NFATC2: variants seen among roughly 807,000 people sequenced by gnomAD.
NFATC2 encodes nuclear factor of activated T-cells, cytoplasmic 2.
NFATC2 carries 22 observed loss-of-function variants against 87.3 expected under a neutral mutation model. That is an observed-to-expected ratio of 0.25 (90% confidence interval 0.18 to 0.36). NFATC2 has a LOEUF of 0.36. Among genes scored for constraint, NFATC2 ranks in the 10% least tolerant of loss-of-function variants. The pLI is 1.00. For missense variants in NFATC2, 1,149 were observed against 1,259.1 expected (o/e 0.91, Z 1.32); for synonymous variants, 565 against 542.2 (o/e 1.04, Z -0.58).
intron 1 of NFATC2, among the ~76,000 whole-genome samples, chr20:51,553,134 C>T (rs6096469): frequency 0.039 from 5,881 of 152,146 alleles, 362 homozygotes; most frequent in African/African-American, 0.14. Context: ...CCCGTATGGA[C>T]CAATCGGCTG....
chr20:51,472,242 G>A (rs974006287), intron 5 of NFATC2, among the ~76,000 whole-genome samples: 3 of 152,150 alleles, frequency 2.0e-5, no homozygotes, highest in Non-Finnish European at 4.4e-5. Flanking sequence ...ATCAGAGAGT[G>A]AGATTCCTTC....
rs575904269 is a variant in NFATC2 at position 51,432,911 on chromosome 20, G to A, written c.2033-155C>T. ...GTCACTTATCAGCCTTGGGCAAAAG[G>A]CTCCCCATGCAATTGTCTTAGGTAG... is the stretch of plus-strand genomic sequence containing the variant. On this transcript the variant is annotated intron_variant, in intron 8 of 10. Coordinates refer to ENST00000371564, the MANE Select transcript of NFATC2 (RefSeq NM_012340.5). This position sits in a 1 kb window ranked among gnomAD's most constrained non-coding sequence, Gnocchi z 4.6. 2.0e-5 allele frequency among the ~76,000 whole-genome samples: 3 copies of A among 152,164 alleles called. No homozygotes were observed. Among genetic ancestry groups the A allele is most frequent in the African/African-American group, 7.2e-5 (3 of 41,424 alleles).
intron 3 of NFATC2, among the ~76,000 whole-genome samples, chr20:51,495,150 T>A (rs2075967040): frequency 6.6e-6 from 1 of 152,154 alleles, no homozygotes; most frequent in Non-Finnish European, 1.5e-5. Context: ...AGTGGCACCA[T>A]CTCAGCTCAC....
At chr20:51,494,372 T>C (rs559296510) in intron 3 of NFATC2, among the ~76,000 whole-genome samples, 2 of 152,176 alleles carry the variant, frequency 1.3e-5, no homozygotes, top group African/African-American at 4.8e-5. Flanking sequence ...GCTCCTCCTA[T>C]TTCCTCTTTG....
At chr20:51,401,985 C>G (rs774735340) in intron 9 of NFATC2, among the ~76,000 whole-genome samples, 1 of 152,148 alleles carries the variant, frequency 6.6e-6, no homozygotes, top group African/African-American at 2.4e-5. Context: ...TAAGGGAAAC[C>G]CTGCGTGCAT....
rs10648166 is a variant in NFATC2 at position 51,522,573 on chromosome 20, C to CT, written c.1160+507dup. Among the ~76,000 whole-genome samples the CT allele has an allele frequency of 7.9e-3, 1,147 of 145,506 alleles. 12 individuals are homozygous for CT. Among genetic ancestry groups the CT allele is most frequent in the Middle Eastern group, 0.05 (14 of 280 alleles). On this transcript the variant is annotated intron_variant, in intron 2 of 10. Transcript: ENST00000371564. ...TTTAAGCTCCTTGGCTCACATATTT[C>CT]TTTTTTTTTTTTTTAGGTCCTCCAT...
chr20:51,551,046 T>C (rs760042348), intron 1 of NFATC2, among the ~76,000 whole-genome samples: 4 of 152,220 alleles, frequency 2.6e-5, no homozygotes, highest in Non-Finnish European at 5.9e-5. Flanking sequence ...AGTGGGAACA[T>C]TCTTTACCAG....
At chr20:51,510,417 A>AC (rs2076254317) in intron 3 of NFATC2, among the ~76,000 whole-genome samples, 1 of 152,194 alleles carries the variant, frequency 6.6e-6, no homozygotes, top group Admixed American at 6.5e-5. Context: ...CCACCGGAGG[A>AC]CCACTGCATC....
At chr20:51,438,174 A>C (rs1395843815) in intron 6 of NFATC2, among the ~76,000 whole-genome samples, 1 of 152,174 alleles carries the variant, frequency 6.6e-6, no homozygotes, top group Non-Finnish European at 1.5e-5. Context: ...CACCCAACAG[A>C]GACACATGTC....
chr20:51,559,208 A>G (rs1267530760), intron 1 of NFATC2, among the ~76,000 whole-genome samples: 2 of 152,242 alleles, frequency 1.3e-5, no homozygotes, highest in Non-Finnish European at 1.5e-5. Context: ...TCTTCTACTA[A>G]GAGTGGAAGC....
In NFATC2 at chr20:51,403,560, A is replaced by G. The variant is rs543410313; in HGVS notation, c.2723-4830T>C. On this transcript the variant is annotated intron_variant, in intron 9 of 10. Coordinates refer to ENST00000371564, the MANE Select transcript of NFATC2 (RefSeq NM_012340.5). The stretch of plus-strand genomic sequence containing the variant: ...CCAAATTCCTATATTGAAGCCCTAA[A>G]CCACTCTGTGATGGTATTTGGAGAT... Among the ~76,000 whole-genome samples, 5 of 152,246 alleles carry G rather than the reference A, an allele frequency of 3.3e-5. No homozygotes were observed. In the South Asian group the frequency reaches 1.0e-3, roughly 32 times the overall value.
intron 3 of NFATC2, among the ~76,000 whole-genome samples, chr20:51,496,717 A>G (rs1457997173): frequency 2.6e-5 from 4 of 152,152 alleles, no homozygotes; most frequent in Non-Finnish European, 4.4e-5. Flanking sequence ...CACAAAGCCA[A>G]TAAGTGGCAG....
intron 6 of NFATC2, among the ~76,000 whole-genome samples, chr20:51,438,569 C>G (rs780093355): frequency 6.6e-6 from 1 of 152,158 alleles, no homozygotes; most frequent in Non-Finnish European, 1.5e-5. Flanking sequence ...CAGCTGTCTT[C>G]CAGGCTCACA....
intron 3 of NFATC2, among the ~76,000 whole-genome samples, chr20:51,500,947 A>C (rs2076080300): frequency 6.9e-6 from 1 of 144,582 alleles, no homozygotes; most frequent in Non-Finnish European, 1.5e-5. Context: ...GTTTTAGACT[A>C]GCAGAAACAC....
At position 51,447,710 on chromosome 20, in the gene NFATC2, G is replaced by A. The variant is rs78034097; in HGVS notation, c.1849+6838C>T. Among the ~76,000 whole-genome samples the A allele has an allele frequency of 9.8e-3, 1,489 of 152,340 alleles. 53 individuals carry two copies. The East Asian group carries it at 0.13, about 13-fold the overall frequency. On this transcript the variant is annotated intron_variant, in intron 6 of 10. Coordinates refer to ENST00000371564, the MANE Select transcript of NFATC2 (RefSeq NM_012340.5). ...TCAGGAACAGCCTGGACTTCCCAGC[G>A]TGAACTTTGCCTGAAGGGTTACACA... is the stretch of plus-strand genomic sequence containing the variant.
intron 10 of NFATC2, among the ~76,000 whole-genome samples, chr20:51,397,546 C>A (rs185040708): frequency 6.6e-6 from 1 of 152,326 alleles, no homozygotes; most frequent in African/African-American, 2.4e-5. Context: ...GGGGGGCTTA[C>A]AACCTCAGCA....
At chr20:51,533,690 T>C (rs2143717) in intron 1 of NFATC2, among the ~76,000 whole-genome samples, 116,201 of 152,202 alleles carry the variant, frequency 0.76, 44,457 homozygotes, top group African/African-American at 0.78. Flanking sequence ...AGTGGTGCCT[T>C]CCAGGCAGGC....
At chr20:51,498,860 G>A (rs867720590) in intron 3 of NFATC2, among the ~76,000 whole-genome samples, 2 of 152,212 alleles carry the variant, frequency 1.3e-5, no homozygotes, top group Non-Finnish European at 2.9e-5. Flanking sequence ...GAGAATCAGG[G>A]GAAGCTGCTT....
intron 1 of NFATC2, among the ~76,000 whole-genome samples, chr20:51,531,195 G>A (rs1179294480): frequency 6.6e-6 from 1 of 152,182 alleles, no homozygotes; most frequent in Non-Finnish European, 1.5e-5. Flanking sequence ...TGAGAACCAC[G>A]GCTCCTGGCT....
Sources: gnomAD v4.1 joint callset for allele counts (sites outside exome capture counted in the v4.1 genomes callset) on GRCh38, gnomAD v4.1.1 for gene constraint, Gnocchi (gnomAD v3.1) non-coding constraint, MANE v1.5 for transcripts, NCBI Gene and HGNC (gene_info 2026-07-23, HGNC 2026-07-21) for gene names.